The following CYC1 variants were observed in gnomAD, a reference collection of about 807,000 sequenced individuals.
CYC1 encodes the protein cytochrome c1, heme protein, mitochondrial.
In CYC1, 10 loss-of-function variants were observed where a neutral mutation model predicts 33.8. The ratio of observed to expected loss-of-function variants is 0.30; its 90% CI spans 0.18 to 0.50. The LOEUF (loss-of-function observed/expected upper bound fraction) is 0.50. CYC1 is among the 20% of genes least tolerant of loss of function. The probability of loss-of-function intolerance (pLI) is 0.98; values close to 1 mark genes in which losing one functional copy is unlikely to be tolerated. For synonymous variants in CYC1, 224 were observed against 181.9 expected, an observed-to-expected ratio of 1.23 and a Z score of -1.86; for missense variants, 459 against 437.6, an observed-to-expected ratio of 1.05 and a Z score of -0.44.
intron 5 of CYC1, 129 bp from the exon 6 acceptor site, chr8:144,096,905 G>GT: frequency 8.6e-7 from 1 of 1,156,330 alleles, no homozygotes; most frequent in Admixed American, 2.0e-5. Flanking sequence ...TCAGTTTTGC[G>GT]TATGTCCGGT....
rs370734008 is a variant in CYC1 at position 144,097,235 on chromosome 8, T to A, written c.877T>A (p.Leu293Met). The change falls in exon 7 of 7, where the codon TTG (leucine) becomes ATG (methionine). Residue 293 changes from leucine (L) to methionine (M), a missense_variant. Transcript: ENST00000318911. ...DHRKRMGLKM[L>M]MMMALLVPLV... ...TCTGAGCCTTCCTTGTCTGCAGATG[T>A]TGATGATGATGGCTCTGCTGGTGCC... 1 of 1,614,104 alleles carries A rather than the reference T, an allele frequency of 6.2e-7. No homozygotes were observed. The highest frequency in any genetic ancestry group is 8.5e-7 in the Non-Finnish European group (1 of 1,179,950).
chr8:144,096,250 G>GGT lies in CYC1; in HGVS notation c.453+4_453+5dup. On this transcript the variant is annotated frameshift_variant and splice_region_variant. Coordinates refer to ENST00000318911, the MANE Select transcript of CYC1 (RefSeq NM_001916.5). LOFTEE classifies it high-confidence loss of function. ...ATGAAGCTAAGGAGCTGGCTGCGGA[G>GGT]GTGTGGGGTCTGGGGATGCCTGGGA... 1 of 1,613,952 alleles carries GGT rather than the reference G, an allele frequency of 6.2e-7. No homozygotes were observed. The highest frequency in any genetic ancestry group is 8.5e-7 in the Non-Finnish European group (1 of 1,179,884).
rs200534903 is a variant in CYC1 at position 144,096,396 on chromosome 8, G to T, written c.513G>T (p.Leu171=). ...DGEMFMRPGK[L]FDYFPKPYPN... ...AGATGTTCATGCGGCCAGGGAAGCT[G>T]TTCGACTATTTCCCAAAACCATACC... The change falls in exon 4 of 7, where the codon CTG becomes CTT. Residue 171 remains leucine, a synonymous_variant. Transcript: ENST00000318911. The T allele has an allele frequency of 5.6e-6, 9 of 1,614,016 alleles. No individual in the cohort carries two copies. Among genetic ancestry groups the T allele is most frequent in the Non-Finnish European group, 7.6e-6 (9 of 1,180,032 alleles).
At chr8:144,096,101 C>T (rs1041034392) in intron 2 of CYC1, 23 bp from the exon 3 acceptor site, 4 of 1,609,828 alleles carry the variant, frequency 2.5e-6, no homozygotes, top group Admixed American at 1.7e-5. Flanking sequence ...CTTCAGCTTT[C>T]CTAACCCTTT....
In CYC1 at chr8:144,097,254, T is replaced by TG; in HGVS notation, c.898dup (p.Val300GlyfsTer86). The stretch of plus-strand genomic sequence containing the variant: ...CAGATGTTGATGATGATGGCTCTGC[T>TG]GGTGCCCCTGGTCTACACCATAAAG... On this transcript the variant is annotated frameshift_variant, in exon 7 of 7. Coordinates refer to ENST00000318911, the MANE Select transcript of CYC1 (RefSeq NM_001916.5). LOFTEE classifies it high-confidence loss of function. 6.2e-7 allele frequency: 1 copy of TG among 1,614,186 alleles called. No individual in the cohort carries two copies. The highest frequency in any genetic ancestry group is 8.5e-7 in the Non-Finnish European group (1 of 1,180,022).
rs147747290 is a variant in CYC1 at position 144,096,905 on chromosome 8, G to A, written c.773-129G>A. On this transcript the variant is annotated intron_variant, in intron 5 of 6. Transcript: ENST00000318911. ...GGCTTTTGGGCTCCTTCAGTTTTGC[G>A]TATGTCCGGTGGAGGGTACTGCCCC... 1.7e-4 allele frequency: 201 copies of A among 1,156,324 alleles called. No homozygotes were observed. The African/African-American group carries it at 2.3e-3, about 13-fold the overall frequency. 71.6% of individuals were successfully genotyped at this position (1,156,324 alleles called of 1,614,324 possible).
rs536056799 is a variant in CYC1 at position 144,096,751 on chromosome 8, G to A, written c.772+7G>A. 3.9e-5 allele frequency: 48 copies of A among 1,215,236 alleles called. No homozygotes were observed. The East Asian group carries it at 1.0e-3, about 26-fold the overall frequency. The allele number at this position is 1,215,236 out of a possible 1,614,324, so 75.3% of individuals were successfully genotyped here. ...GTCTTAGAGTTTGACGATGGTAAGA[G>A]GCCTCCAGTCTGGCAGTGGGCATGT... On this transcript the variant is annotated splice_region_variant and intron_variant, in intron 5 of 6. Transcript: ENST00000318911.
Position 144,095,121 on chromosome 8 carries a change from C to G in CYC1, c.22C>G (p.Leu8Val). Residue 8 changes from leucine to valine, a missense_variant, in exon 1 of 7, where the codon CTT becomes GTT. By Grantham distance (32) the Leu-to-Val change is conservative. Coordinates refer to ENST00000318911, the MANE Select transcript of CYC1 (RefSeq NM_001916.5). MAAAAAS[L>V]RGVVLGPRGA... ...CAAGATGGCGGCAGCTGCGGCTTCGCTTCGCGGGGTAGTGTTGGGCCCGCG... is the reference window on the plus strand; with the variant it reads ...CAAGATGGCGGCAGCTGCGGCTTCGGTTCGCGGGGTAGTGTTGGGCCCGCG... 1 of 1,210,986 alleles carries G rather than the reference C, an allele frequency of 8.3e-7. No individual in the cohort carries two copies. Among genetic ancestry groups the G allele is most frequent in the East Asian group, 3.4e-5 (1 of 29,498 alleles). 75.0% of individuals were successfully genotyped at this position (1,210,986 alleles called of 1,614,324 possible). A position where few individuals can be genotyped will look rare whatever the true frequency, so the allele number is the denominator to read the frequency against.
chr8:144,095,803 C>T, intron 1 of CYC1, 30 bp from the exon 2 acceptor site: 1 of 1,598,004 alleles, frequency 6.3e-7, no homozygotes, highest in South Asian at 1.1e-5. Flanking sequence ...TGGGTGGTGT[C>T]CTGGCAGGCG....
In CYC1 at chr8:144,096,431, A is replaced by T; in HGVS notation, c.548A>T (p.Glu183Val). ...DYFPKPYPNS[E>V]AARAANNGAL... ...TTCCCAAAACCATACCCCAACAGTG[A>T]GGCTGCTCGAGCTGCCAACAACGGA... is the stretch of plus-strand genomic sequence containing the variant. Residue 183 changes from glutamate to valine, a missense_variant, in exon 4 of 7, where the codon GAG (glutamate) becomes GTG (valine). Coordinates refer to ENST00000318911, the MANE Select transcript of CYC1 (RefSeq NM_001916.5). 6.2e-7 allele frequency: 1 copy of T among 1,614,094 alleles called. No individual in the cohort carries two copies. Among genetic ancestry groups the T allele is most frequent in the Non-Finnish European group, 8.5e-7 (1 of 1,179,996 alleles).
In CYC1 at chr8:144,097,422, CCT is replaced by C; in HGVS notation, c.*91_*92del. 8.8e-7 allele frequency: 1 copy of C among 1,134,644 alleles called. No homozygotes were observed. The highest frequency in any genetic ancestry group is 1.3e-6 in the Non-Finnish European group (1 of 773,922). The allele number at this position is 1,134,644 out of a possible 1,614,324, so 70.3% of individuals were successfully genotyped here. A position where few individuals can be genotyped will look rare whatever the true frequency, so the allele number is the denominator to read the frequency against. ...CAGGCCTGTTCAGGCCTCAGCTAAGCCTCTCTTCATCTGGAAGAAGAGGCAAG... is the reference window on the plus strand; with the variant it reads ...CAGGCCTGTTCAGGCCTCAGCTAAGCCTCTTCATCTGGAAGAAGAGGCAAG... On this transcript the variant is annotated 3_prime_UTR_variant, in exon 7 of 7. Coordinates refer to ENST00000318911, the MANE Select transcript of CYC1 (RefSeq NM_001916.5).
At chr8:144,096,966 A>AG in intron 5 of CYC1, 68 bp from the exon 6 acceptor site, 1 of 1,395,708 alleles carries the variant, frequency 7.2e-7, no homozygotes, top group Non-Finnish European at 1.0e-6. Context: ...TCTGCTTCAC[A>AG]GAGGGGGGGC....
rs370424359 is a variant in CYC1, at chr8:144,097,337, C to G, written c.*1C>G. Reference sequence around the variant, plus strand: ...GCTGGCATATCGGCCGCCCAAGTGACCCTGTCCAGTGTCTGCTTGCCATCC... The same window carrying G: ...GCTGGCATATCGGCCGCCCAAGTGAGCCTGTCCAGTGTCTGCTTGCCATCC... On this transcript the variant is annotated 3_prime_UTR_variant, in exon 7 of 7. Coordinates refer to ENST00000318911, the MANE Select transcript of CYC1 (RefSeq NM_001916.5). 2.1e-5 allele frequency: 34 copies of G among 1,613,382 alleles called. No individual in the cohort carries two copies. The Middle Eastern group carries it at 6.8e-4, about 32-fold the overall frequency.
Position 144,096,511 on chromosome 8 carries a change from TGG to T in CYC1, c.611+20_611+21del. ...GCGAGCTAGGTACACGGGCTGCCCA[TGG>T]GGTGGTGCTGGAGAGATGGGGGAAG... On this transcript the variant is annotated intron_variant, in intron 4 of 6. Transcript: ENST00000318911. The T allele has an allele frequency of 6.2e-7, 1 of 1,613,938 alleles. No homozygotes were observed. Among genetic ancestry groups the T allele is most frequent in the Admixed American group, 1.7e-5 (1 of 60,006 alleles).
At chr8:144,095,458 C>A in intron 1 of CYC1, 2 of 432,302 alleles carry the variant, frequency 4.6e-6, no homozygotes, top group Non-Finnish European at 7.9e-6. Context: ...GACGGGCTAG[C>A]TGCCGTGGCG....
In CYC1 at chr8:144,095,999, G is replaced by A. The variant is rs1174635396; in HGVS notation, c.296G>A (p.Arg99His). Residue 99 changes from arginine (R) to histidine (H), a missense_variant, in exon 2 of 7, where the codon CGT becomes CAT. Physicochemically the swap from Arg to His is conservative, Grantham distance 29. Transcript: ENST00000318911. ...CCCCCCAGCTATCCGTGGTCTCACCGTGGCCTCCTCTCTTCCTTGGACCAC... is the reference window on the plus strand; with the variant it reads ...CCCCCCAGCTATCCGTGGTCTCACCATGGCCTCCTCTCTTCCTTGGACCAC... ...LHPPSYPWSH[R>H]GLLSSLDHTS... 1 of 1,605,736 alleles carries A rather than the reference G, an allele frequency of 6.2e-7. No individual in the cohort carries two copies. Among genetic ancestry groups the A allele is most frequent in the Admixed American group, 1.7e-5 (1 of 59,580 alleles).
intron 3 of CYC1, 37 bp from the exon 4 acceptor site, chr8:144,096,300 T>C: frequency 3.1e-6 from 5 of 1,612,234 alleles, no homozygotes; most frequent in Non-Finnish European, 4.2e-6. Context: ...CTCCCACTGT[T>C]GAGATGGCAG....
At chr8:144,095,264 C>T in intron 1 of CYC1, 36 bp downstream of exon 1, 1 of 1,193,724 alleles carries the variant, frequency 8.4e-7, no homozygotes, top group Non-Finnish European at 1.0e-6. Flanking sequence ...TCCGCGCGGC[C>T]CCGCATCTCC....
Position 144,095,767 on chromosome 8 carries a change from C to G in CYC1, c.130-66C>G. On this transcript the variant is annotated intron_variant, in intron 1 of 6. Coordinates refer to ENST00000318911, the MANE Select transcript of CYC1 (RefSeq NM_001916.5). ...CCATTGCTGGGTGGAGAGGTGGGCG[C>G]TGAGAGTCAGATCCCCAGGTAGGGC... 12 of 1,558,218 alleles carry G rather than the reference C, an allele frequency of 7.7e-6. No homozygotes were observed. The Admixed American group carries it at 9.4e-5, about 12-fold the overall frequency.
Sources: gnomAD v4.1 joint callset for allele counts on GRCh38, gnomAD v4.1.1 for gene constraint, MANE v1.5 for transcripts, NCBI Gene and HGNC (gene_info 2026-07-23, HGNC 2026-07-21) for gene names.